COL6A3: variants seen among roughly 807,000 people sequenced by gnomAD.
COL6A3 encodes the protein collagen type VI alpha 3 chain.
A neutral mutation model predicts 274.1 loss-of-function variants in COL6A3; 137 were observed. The observed-to-expected ratio is 0.50, with a 90% CI of 0.44 to 0.58. The LOEUF (loss-of-function observed/expected upper bound fraction) is 0.58, where lower values mean the gene tolerates loss of function less well. COL6A3 is among the 20% of genes least tolerant of loss of function. The probability of loss-of-function intolerance (pLI) is 0.00; values close to 1 mark genes in which losing one functional copy is unlikely to be tolerated. For missense variants in COL6A3, 3,950 were observed against 4,124.9 expected (o/e 0.96, Z 1.16); for synonymous variants, 1,650 against 1,650.6 (o/e 1.00, Z 0.01).
intron 1 of COL6A3, among the ~76,000 whole-genome samples, chr2:237,412,886 TC>T (rs1016309002): frequency 7.9e-5 from 12 of 152,048 alleles, no homozygotes; most frequent in Non-Finnish European, 1.3e-4. Context: ...CACAGCAGAC[TC>T]CCCTGTGCTC....
chr2:237,370,940 A>G (rs1249989192), intron 9 of COL6A3, among the ~76,000 whole-genome samples: 1 of 152,192 alleles, frequency 6.6e-6, no homozygotes, highest in African/African-American at 2.4e-5. Flanking sequence ...ACAGACAAAA[A>G]GAAAAACATG....
chr2:237,333,594 G>A, intron 41 of COL6A3, 46 bp from the exon 42 acceptor site: 3 of 1,524,638 alleles, frequency 2.0e-6, no homozygotes, highest in Non-Finnish European at 2.7e-6. Flanking sequence ...TCAGAAACAG[G>A]AGGGCTTGGG....
intron 21 of COL6A3, among the ~76,000 whole-genome samples, chr2:237,358,187 G>A (rs991023773): frequency 5.3e-5 from 8 of 152,194 alleles, no homozygotes; most frequent in Non-Finnish European, 1.0e-4. Flanking sequence ...AGGCTAGCTT[G>A]TACTGCTCAT....
intron 26 of COL6A3, among the ~76,000 whole-genome samples, chr2:237,352,152 A>G (rs754711934): frequency 1.3e-5 from 2 of 152,192 alleles, no homozygotes; most frequent in Non-Finnish European, 2.9e-5. Context: ...TACAAAATAC[A>G]TAAGCACAAG....
At chr2:237,398,214 G>T (rs1162068738) in intron 1 of COL6A3, among the ~76,000 whole-genome samples, 1 of 152,224 alleles carries the variant, frequency 6.6e-6, no homozygotes, top group Non-Finnish European at 1.5e-5. Flanking sequence ...ACAGTGGAAT[G>T]AGCCTGGGGT....
Position 237,340,648 on chromosome 2 carries a change from C to A in COL6A3, c.8268G>T (p.Gln2756His), listed in dbSNP as rs773466421. ...EVPEQQLEEA[Q>H]RVILQAKCKG... ...TGCATTTGGCCTGCAGGATGACTCTCTGGGCCTCCTCCAGCTGCTGCTCCG... is the reference window on the plus strand; with the variant it reads ...TGCATTTGGCCTGCAGGATGACTCTATGGGCCTCCTCCAGCTGCTGCTCCG... The change falls in exon 38 of 44, where the codon CAG becomes CAT. Residue 2756 changes from glutamine (Q) to histidine (H), a missense_variant. By Grantham distance (24) the Gln-to-His change is conservative. This residue lies in a region of COL6A3 where 1,284 missense variants were observed against 1,349.7 expected (regional missense o/e 0.95). Transcript: ENST00000295550. 4.3e-6 allele frequency: 7 copies of A among 1,614,232 alleles called. No individual in the cohort carries two copies. The highest frequency in any genetic ancestry group is 5.9e-6 in the Non-Finnish European group (7 of 1,180,034).
In COL6A3 at chr2:237,348,182, G is replaced by A. The variant is rs13402341; in HGVS notation, c.6966+167C>T. On this transcript the variant is annotated intron_variant, in intron 30 of 43. Coordinates refer to ENST00000295550, the MANE Select transcript of COL6A3 (RefSeq NM_004369.4). ...CAAGTACGTATTATGACCTCCACTT[G>A]ACAGATGAGAGAGTATTTTAGGGAA... Among the ~76,000 whole-genome samples, 8,376 of 152,222 alleles carry A rather than the reference G, an allele frequency of 0.055. 501 individuals carry two copies. Among genetic ancestry groups the A allele is most frequent in the African/African-American group, 0.15 (6,078 of 41,494 alleles).
In COL6A3 at chr2:237,335,088, T is replaced by C. The variant is rs78399149; in HGVS notation, c.8966-199A>G. The stretch of plus-strand genomic sequence containing the variant: ...CTATCAGCATACATGAAATGTGAAA[T>C]TCACAGTAATGAAAAATCTCATTAT... On this transcript the variant is annotated intron_variant, in intron 40 of 43. Transcript: ENST00000295550. Among the ~76,000 whole-genome samples the C allele has an allele frequency of 3.3e-3, 502 of 152,296 alleles. 4 individuals carry two copies. Among genetic ancestry groups the C allele is most frequent in the African/African-American group, 0.012 (495 of 41,558 alleles).
At chr2:237,355,931 T>C (rs1478666398) in intron 23 of COL6A3, among the ~76,000 whole-genome samples, 1 of 152,150 alleles carries the variant, frequency 6.6e-6, no homozygotes, top group African/African-American at 2.4e-5. Context: ...CAGCACTCAG[T>C]GATACATTGC....
Position 237,335,883 on chromosome 2 carries a change from A to G in COL6A3, c.8965+252T>C, listed in dbSNP as rs11687877. 0.072 allele frequency among the ~76,000 whole-genome samples: 10,979 copies of G among 152,246 alleles called. 494 individuals are homozygous for G. Among genetic ancestry groups the G allele is most frequent in the Non-Finnish European group, 0.1 (6,954 of 68,008 alleles). On this transcript the variant is annotated intron_variant, in intron 40 of 43. Coordinates refer to ENST00000295550, the MANE Select transcript of COL6A3 (RefSeq NM_004369.4). ...ACAACTCAATTTTCAGGTGAGGTGAACTGTGCCCCCACTGACATTCCAGAG... is the reference window on the plus strand; with the variant it reads ...ACAACTCAATTTTCAGGTGAGGTGAGCTGTGCCCCCACTGACATTCCAGAG...
At chr2:237,348,713 A>T (rs746468725) in intron 28 of COL6A3, 50 bp from the exon 29 acceptor site, 1 of 1,544,172 alleles carries the variant, frequency 6.5e-7, no homozygotes, top group Non-Finnish European at 9.0e-7. Flanking sequence ...CTGGCACACC[A>T]TAACCACCGT....
At chr2:237,373,810 T>G (rs1056208643) in intron 8 of COL6A3, among the ~76,000 whole-genome samples, 2 of 152,200 alleles carry the variant, frequency 1.3e-5, no homozygotes, top group African/African-American at 4.8e-5. Context: ...CCACCATTTT[T>G]TAGTTTATTG....
At chr2:237,404,752 T>C (rs2078679810) in intron 1 of COL6A3, among the ~76,000 whole-genome samples, 1 of 152,196 alleles carries the variant, frequency 6.6e-6, no homozygotes, top group Non-Finnish European at 1.5e-5. Flanking sequence ...AAGCATTGAG[T>C]GGGCTCACTC....
chr2:237,348,210 A>AAGG (rs2077134487), intron 30 of COL6A3, 139 bp downstream of exon 30: 1 of 788,722 alleles, frequency 1.3e-6, no homozygotes, highest in South Asian at 1.4e-5. Context: ...TTAGGGAAGG[A>AAGG]AGGGTCTTTC....
At position 237,361,550 on chromosome 2, in the gene COL6A3, T is replaced by A. The variant is rs933320313; in HGVS notation, c.6156+189A>T. On this transcript the variant is annotated intron_variant, in intron 15 of 43. Transcript: ENST00000295550. This position sits in a 1 kb window ranked among gnomAD's most constrained non-coding sequence, Gnocchi z 5.1. ...AAGGAGGGTCCCGCCTGAACCATCT[T>A]CACTGGAACAGGCCCCAGCAGAACA... 2.0e-5 allele frequency among the ~76,000 whole-genome samples: 3 copies of A among 152,164 alleles called. No homozygotes were observed. Among genetic ancestry groups the A allele is most frequent in the Non-Finnish European group, 4.4e-5 (3 of 68,026 alleles).
At chr2:237,347,910 C>T (rs139482858) in intron 30 of COL6A3, 41 bp from the exon 31 acceptor site, 1 of 1,575,656 alleles carries the variant, frequency 6.3e-7, no homozygotes, top group Non-Finnish European at 8.7e-7. Flanking sequence ...AGCTTTGGAA[C>T]AGAAGATCTC....
intron 41 of COL6A3, 116 bp downstream of exon 41, chr2:237,334,510 G>A (rs1046531784): frequency 2.3e-5 from 28 of 1,196,120 alleles, no homozygotes; most frequent in Non-Finnish European, 1.1e-5. Flanking sequence ...TGCTGTTGTT[G>A]TTTTTTGAAT....
intron 12 of COL6A3, 76 bp downstream of exon 12, chr2:237,365,622 G>A: frequency 1.6e-6 from 2 of 1,279,490 alleles, no homozygotes; most frequent in Non-Finnish European, 1.1e-6. Context: ...ATTTAACTTG[G>A]GGGAAGGGCT....
At chr2:237,402,893 A>G (rs1161572210) in intron 1 of COL6A3, among the ~76,000 whole-genome samples, 1 of 152,172 alleles carries the variant, frequency 6.6e-6, no homozygotes, top group African/African-American at 2.4e-5. Flanking sequence ...TCTGTTGTGT[A>G]GCACAGGAAT....
Sources: gnomAD v4.1 joint callset for allele counts (sites outside exome capture counted in the v4.1 genomes callset) on GRCh38, gnomAD v4.1.1 for gene constraint, gnomAD v4.1.1 regional missense constraint, Gnocchi (gnomAD v3.1) non-coding constraint, MANE v1.5 for transcripts, NCBI Gene and HGNC (gene_info 2026-07-23, HGNC 2026-07-21) for gene names.